The following NLGN1 variants were observed in gnomAD, a reference collection of about 807,000 sequenced individuals.
NLGN1 encodes the protein neuroligin 1.
In NLGN1, 12 loss-of-function variants were observed where a neutral mutation model predicts 65.5. The ratio of observed to expected loss-of-function variants is 0.18; its 90% CI spans 0.12 to 0.30. The LOEUF is 0.30. Among genes scored for constraint, NLGN1 ranks in the 10% least tolerant of loss-of-function variants. The probability of loss-of-function intolerance (pLI) is 1.00; values close to 1 mark genes in which losing one functional copy is unlikely to be tolerated. For synonymous variants in NLGN1, 350 were observed against 359.5 expected (o/e 0.97, Z 0.30); for missense variants, 750 against 1,007.1 (o/e 0.74, Z 3.46).
At chr3:173,597,562 G>A (rs993226166) in intron 2 of NLGN1, among the ~76,000 whole-genome samples, 2 of 151,852 alleles carry the variant, frequency 1.3e-5, no homozygotes, top group African/African-American at 4.8e-5. Context: ...CCACACCTTT[G>A]TATCTAGTCT....
chr3:173,999,592 C>T (rs923085371), intron 4 of NLGN1, among the ~76,000 whole-genome samples: 2 of 152,086 alleles, frequency 1.3e-5, no homozygotes, highest in Admixed American at 1.3e-4. Flanking sequence ...GACCTTTATT[C>T]TCCAACCACC....
At chr3:173,727,271 G>A (rs1166828913) in intron 3 of NLGN1, among the ~76,000 whole-genome samples, 2 of 152,098 alleles carry the variant, frequency 1.3e-5, no homozygotes, top group Non-Finnish European at 2.9e-5. Flanking sequence ...AAGCTTAAAT[G>A]ACCGTTCCCA....
At chr3:173,877,880 G>A (rs1032150993) in intron 4 of NLGN1, among the ~76,000 whole-genome samples, 1 of 152,090 alleles carries the variant, frequency 6.6e-6, no homozygotes, top group Non-Finnish European at 1.5e-5. Flanking sequence ...TGAGAAAACT[G>A]AGGCAAACAG....
intron 4 of NLGN1, among the ~76,000 whole-genome samples, chr3:174,198,206 C>G (rs1208716020): frequency 6.6e-6 from 1 of 152,034 alleles, no homozygotes; most frequent in Non-Finnish European, 1.5e-5. Context: ...TAATATTTAT[C>G]AGGTATGTAT....
intron 4 of NLGN1, among the ~76,000 whole-genome samples, chr3:173,863,308 G>A (rs1429337539): frequency 6.6e-6 from 1 of 151,886 alleles, no homozygotes. Context: ...TGTCTTTGTG[G>A]TTCATATACT....
chr3:174,086,258 CAT>C (rs372189673), intron 4 of NLGN1, among the ~76,000 whole-genome samples: 1 of 1,812 alleles, frequency 5.5e-4, no homozygotes, highest in Non-Finnish European at 1.9e-3. Context: ...TATGTGCATA[CAT>C]ATATATATTT....
At chr3:173,434,822 A>G (rs1019024329) in intron 1 of NLGN1, among the ~76,000 whole-genome samples, 1 of 152,254 alleles carries the variant, frequency 6.6e-6, no homozygotes, top group African/African-American at 2.4e-5. Context: ...TAGCTGCCAA[A>G]TAATGGTTGT....
At chr3:173,579,836 T>C (rs1019647337) in intron 2 of NLGN1, among the ~76,000 whole-genome samples, 13 of 152,214 alleles carry the variant, frequency 8.5e-5, no homozygotes. Flanking sequence ...AATATGAGGT[T>C]ACATCAGGGG....
At chr3:174,244,071 A>T (rs1743354051) in intron 4 of NLGN1, among the ~76,000 whole-genome samples, 1 of 152,176 alleles carries the variant, frequency 6.6e-6, no homozygotes, top group African/African-American at 2.4e-5. Flanking sequence ...TTCATAACTG[A>T]CAGTAGACTC....
At chr3:174,177,082 A>G (rs971327447) in intron 4 of NLGN1, among the ~76,000 whole-genome samples, 1 of 152,114 alleles carries the variant, frequency 6.6e-6, no homozygotes, top group East Asian at 1.9e-4. Flanking sequence ...AAGAGAAAAT[A>G]TACAAATATT....
chr3:174,156,532 G>A (rs1725467165), intron 4 of NLGN1, among the ~76,000 whole-genome samples: 1 of 151,798 alleles, frequency 6.6e-6, no homozygotes, highest in South Asian at 2.1e-4. Context: ...GGAAAAGTGA[G>A]ATTTTTCTCT....
intron 4 of NLGN1, among the ~76,000 whole-genome samples, chr3:174,066,516 GTCTCTCTCTCTCTCTCTCTCTC>G (rs373763421): frequency 1.8e-4 from 12 of 67,012 alleles, no homozygotes; most frequent in African/African-American, 2.3e-4. Flanking sequence ...TATGGAACAA[GTCTCTCTCTCTCTCTCTCTCTC>G]TCTCTCTCTC....
chr3:173,622,584 A>G (rs1257347313), intron 3 of NLGN1, among the ~76,000 whole-genome samples: 1 of 151,344 alleles, frequency 6.6e-6, no homozygotes, highest in Non-Finnish European at 1.5e-5. Context: ...TAAAAAGAGG[A>G]GGAAAAAAAA....
chr3:173,735,845 C>A (rs1043924849), intron 3 of NLGN1, among the ~76,000 whole-genome samples: 1 of 151,948 alleles, frequency 6.6e-6, no homozygotes, highest in Non-Finnish European at 1.5e-5. Context: ...TTTAAAATAC[C>A]TTTTGCATAT....
At chr3:173,770,058 C>T (rs1422305353) in intron 3 of NLGN1, among the ~76,000 whole-genome samples, 2 of 152,308 alleles carry the variant, frequency 1.3e-5, no homozygotes, top group Non-Finnish European at 2.9e-5. Flanking sequence ...CGGTCCTCTT[C>T]CTAGAGCTCT....
At chr3:173,912,831 T>C (rs773687442) in intron 4 of NLGN1, among the ~76,000 whole-genome samples, 2 of 152,216 alleles carry the variant, frequency 1.3e-5, no homozygotes, top group Admixed American at 6.5e-5. Context: ...GTCTGAAGAT[T>C]GTAACTGGCT....
intron 4 of NLGN1, among the ~76,000 whole-genome samples, chr3:173,946,146 A>T (rs974128202): frequency 6.6e-6 from 1 of 152,244 alleles, no homozygotes; most frequent in Admixed American, 6.5e-5. Context: ...TTAGAAATGC[A>T]AATTATTTTT....
At chr3:173,779,628 A>G (rs191268145) in intron 3 of NLGN1, among the ~76,000 whole-genome samples, 1 of 152,240 alleles carries the variant, frequency 6.6e-6, no homozygotes, top group African/African-American at 2.4e-5. Flanking sequence ...CATCAAATCA[A>G]CTGAAAGCAG....
At position 173,565,252 on chromosome 3, in the gene NLGN1, A is replaced by G. The variant is rs372920501; in HGVS notation, c.-320-39027A>G. On this transcript the variant is annotated intron_variant, in intron 2 of 6. Transcript: ENST00000457714. Reference sequence around the variant, plus strand: ...GTTCCAGGCACCTTGAATAGACCAAATATAGTGAAATAGGCTGCCTTACAG... The same window carrying G: ...GTTCCAGGCACCTTGAATAGACCAAGTATAGTGAAATAGGCTGCCTTACAG... 9.1e-4 allele frequency among the ~76,000 whole-genome samples: 138 copies of G among 152,362 alleles called. 1 individual carries two copies. Among genetic ancestry groups the G allele is most frequent in the Middle Eastern group, 3.4e-3 (1 of 294 alleles).
Sources: gnomAD v4.1 joint callset for allele counts (sites outside exome capture counted in the v4.1 genomes callset) on GRCh38, gnomAD v4.1.1 for gene constraint, MANE v1.5 for transcripts, NCBI Gene and HGNC (gene_info 2026-07-23, HGNC 2026-07-21) for gene names.